TENM2: variants seen among roughly 807,000 people sequenced by gnomAD.
TENM2 encodes teneurin transmembrane protein 2, also known as teneurin-2.
In TENM2, 52 loss-of-function variants were observed where a neutral mutation model predicts 245.2. The observed-to-expected ratio is 0.21, with a 90% CI of 0.17 to 0.27. The LOEUF (loss-of-function observed/expected upper bound fraction) is 0.27, where lower values mean the gene tolerates loss of function less well. TENM2 is among the 10% of genes least tolerant of loss of function. TENM2 has a pLI of 1.00. For synonymous variants in TENM2, 1,363 were observed against 1,438.9 expected, an observed-to-expected ratio of 0.95 and a Z score of 1.19; for missense variants, 3,046 against 3,666.8, an observed-to-expected ratio of 0.83 and a Z score of 4.37.
chr5:167,960,232 A>G (rs377552303), intron 4 of TENM2, among the ~76,000 whole-genome samples: 27 of 152,308 alleles, frequency 1.8e-4, no homozygotes, highest in East Asian at 7.7e-4. Flanking sequence ...GTGCTGGGAG[A>G]TCCGCTGCTC....
chr5:167,043,085 T>G, the TENM2 span, among the ~76,000 whole-genome samples: 1 of 152,220 alleles, frequency 6.6e-6, no homozygotes, highest in Non-Finnish European at 1.5e-5. Context: ...ATTGCTTCTA[T>G]GTCATTCTGA....
chr5:167,006,089 C>T, the TENM2 span, among the ~76,000 whole-genome samples: 1 of 152,110 alleles, frequency 6.6e-6, no homozygotes, highest in African/African-American at 2.4e-5. Flanking sequence ...TCCCAAAACG[C>T]CTGCAGTTTT....
At chr5:168,249,358 GT>G (rs1297459349) in intron 27 of TENM2, among the ~76,000 whole-genome samples, 1 of 152,106 alleles carries the variant, frequency 6.6e-6, no homozygotes, top group African/African-American at 2.4e-5. Flanking sequence ...CCATATAGGT[GT>G]CTGTTCAGTT....
chr5:167,885,029 T>C (rs1774176506), intron 3 of TENM2, among the ~76,000 whole-genome samples: 1 of 152,244 alleles, frequency 6.6e-6, no homozygotes, highest in African/African-American at 2.4e-5. Flanking sequence ...GCTTATTGCC[T>C]GTTTTTATAT....
At chr5:167,816,394 G>T (rs1767059370) in intron 2 of TENM2, among the ~76,000 whole-genome samples, 1 of 152,154 alleles carries the variant, frequency 6.6e-6, no homozygotes, top group Admixed American at 6.6e-5. Flanking sequence ...GAAACAAGAT[G>T]ACTGCTTTCT....
chr5:168,102,217 G>A (rs1434724258), intron 9 of TENM2, among the ~76,000 whole-genome samples: 1 of 152,110 alleles, frequency 6.6e-6, no homozygotes, highest in African/African-American at 2.4e-5. Context: ...GGGATTACAG[G>A]CATGTGCCAC....
At chr5:167,205,994 A>G in the TENM2 span, among the ~76,000 whole-genome samples, 4 of 152,338 alleles carry the variant, frequency 2.6e-5, no homozygotes, top group South Asian at 8.3e-4. Context: ...CATTGGGCCT[A>G]CCTGGGAAAC....
At position 167,716,949 on chromosome 5, in the gene TENM2, CTATTCTATTT is replaced by C. The variant is rs1307682169; in HGVS notation, c.503-159032_503-159023del. ...TTATTTTATTTTATTTTATTCTATT[CTATTCTATTT>C]TATTTTATTTTATTTTTGAGACAGT... On this transcript the variant is annotated intron_variant, in intron 2 of 28. Coordinates refer to ENST00000518659, the Ensembl canonical transcript of TENM2. 3.8e-3 allele frequency among the ~76,000 whole-genome samples: 392 copies of C among 102,800 alleles called. 3 individuals are homozygous for C. Among genetic ancestry groups the C allele is most frequent in the African/African-American group, 0.016 (374 of 23,490 alleles). 67.4% of individuals were successfully genotyped at this position (102,800 alleles called of 152,430 possible).
At chr5:167,475,742 T>C (rs937116900) in intron 2 of TENM2, among the ~76,000 whole-genome samples, 2 of 152,052 alleles carry the variant, frequency 1.3e-5, no homozygotes, top group African/African-American at 4.8e-5. Context: ...AGTGAGAACA[T>C]GCAGTGTTTG....
chr5:167,431,594 A>G (rs1561949776), intron 2 of TENM2, among the ~76,000 whole-genome samples: 1 of 152,074 alleles, frequency 6.6e-6, no homozygotes, highest in East Asian at 1.9e-4. Flanking sequence ...AATGTTGTCT[A>G]AAAAATAGAT....
chr5:167,270,138 T>C, the TENM2 span, among the ~76,000 whole-genome samples: 1 of 152,212 alleles, frequency 6.6e-6, no homozygotes, highest in African/African-American at 2.4e-5. Flanking sequence ...AACTGTTTCA[T>C]GCAGCAAAAG....
intron 2 of TENM2, among the ~76,000 whole-genome samples, chr5:167,767,336 T>A (rs1763101401): frequency 6.6e-6 from 1 of 152,194 alleles, no homozygotes; most frequent in African/African-American, 2.4e-5. Flanking sequence ...AAATGAGACA[T>A]CTTAGAGTAG....
At chr5:167,892,103 C>T (rs979451204) in intron 3 of TENM2, among the ~76,000 whole-genome samples, 3 of 152,158 alleles carry the variant, frequency 2.0e-5, no homozygotes, top group African/African-American at 7.2e-5. Context: ...TGTAATATAG[C>T]ATTGTAAGCA....
chr5:167,150,806 A>C, the TENM2 span, among the ~76,000 whole-genome samples: 75 of 152,346 alleles, frequency 4.9e-4, 1 homozygote, highest in African/African-American at 1.8e-3. Flanking sequence ...AGCTCATTCA[A>C]TGTAATGACT....
At chr5:168,066,256 T>C (rs911388466) in intron 7 of TENM2, among the ~76,000 whole-genome samples, 1 of 152,184 alleles carries the variant, frequency 6.6e-6, no homozygotes, top group Non-Finnish European at 1.5e-5. Context: ...AGAACTCTGC[T>C]TGGAAGTCAC....
At chr5:167,475,348 A>G (rs1342595272) in intron 2 of TENM2, among the ~76,000 whole-genome samples, 1 of 152,154 alleles carries the variant, frequency 6.6e-6, no homozygotes, top group African/African-American at 2.4e-5. Context: ...ATACCTGCCA[A>G]TATTTACTGA....
At chr5:167,378,147 T>G (rs1322429306) in intron 2 of TENM2, among the ~76,000 whole-genome samples, 13 of 152,156 alleles carry the variant, frequency 8.5e-5, no homozygotes, top group Non-Finnish European at 4.4e-5. Context: ...GTGATTTTGC[T>G]AAGCATAGTT....
chr5:167,259,518 G>A, the TENM2 span, among the ~76,000 whole-genome samples: 92 of 152,138 alleles, frequency 6.0e-4, no homozygotes, highest in Non-Finnish European at 1.1e-3. Context: ...TCTCCAATGG[G>A]CAAATGGTAA....
At chr5:167,426,304 G>A (rs1339036322) in intron 2 of TENM2, among the ~76,000 whole-genome samples, 1 of 152,062 alleles carries the variant, frequency 6.6e-6, no homozygotes, top group Admixed American at 6.6e-5. Context: ...ATTTTAAAAA[G>A]TAATCTTACA....
Sources: allele counts gnomAD v4.1 joint callset (sites outside exome capture counted in the v4.1 genomes callset), GRCh38; gene constraint gnomAD v4.1.1; transcripts MANE v1.5; gene names NCBI Gene and HGNC (gene_info 2026-07-23, HGNC 2026-07-21).